The following RAPGEF2 variants were observed in gnomAD, a reference collection of about 807,000 sequenced individuals.
The protein encoded by RAPGEF2 is Rap guanine nucleotide exchange factor 2, also known as PDZ domain containing guanine nucleotide exchange factor (GEF) 1.
A neutral mutation model predicts 186.7 loss-of-function variants in RAPGEF2; 54 were observed. The observed-to-expected ratio is 0.29, with a 90% CI of 0.23 to 0.36. The LOEUF is 0.36. RAPGEF2 is among the 10% of genes least tolerant of loss of function. The pLI, the probability that RAPGEF2 is intolerant of heterozygous loss-of-function variation, is 1.00. For synonymous variants in RAPGEF2, 712 were observed against 705.9 expected (o/e 1.01, Z -0.14); for missense variants, 1,532 against 2,045.0 (o/e 0.75, Z 4.84).
At chr4:159,278,162 T>C (rs1759185745) in intron 7 of RAPGEF2, among the ~76,000 whole-genome samples, 1 of 152,224 alleles carries the variant, frequency 6.6e-6, no homozygotes, top group South Asian at 2.1e-4. Context: ...TTTCTACATA[T>C]GGTTAGCCAG....
Position 159,353,569 on chromosome 4 carries a change from C to G in RAPGEF2, c.4174C>G (p.Gln1392Glu), listed in dbSNP as rs777054708. 1 of 1,572,406 alleles carries G rather than the reference C, an allele frequency of 6.4e-7. No homozygotes were observed. The highest frequency in any genetic ancestry group is 8.6e-7 in the Non-Finnish European group (1 of 1,163,774). Reference protein sequence around the residue: ...ISSPSTEELSQDQGDRASLDA... With the variant: ...ISSPSTEELSEDQGDRASLDA... The stretch of plus-strand genomic sequence containing the variant: ...TTCTCCAAGCACAGAGGAACTTTCC[C>G]AGGATCAGGGGGATCGCGCGTCACT... Residue 1392 changes from glutamine (Q) to glutamate (E), a missense_variant, in exon 28 of 30, where the codon CAG becomes GAG. Around this residue, in one of 4 missense-constraint regions of RAPGEF2, gnomAD observed 594 missense variants for 608.5 expected, o/e 0.98. Transcript: ENST00000691494. This position sits in a 1 kb window ranked among gnomAD's most constrained non-coding sequence, Gnocchi z 4.3.
intron 1 of RAPGEF2, among the ~76,000 whole-genome samples, chr4:159,139,184 A>G (rs1742045027): frequency 6.6e-6 from 1 of 152,194 alleles, no homozygotes; most frequent in African/African-American, 2.4e-5. Context: ...GAGATTGGTA[A>G]GGCATAGTGC....
intron 4 of RAPGEF2, among the ~76,000 whole-genome samples, chr4:159,231,726 A>G (rs769604826): frequency 3.9e-5 from 6 of 152,192 alleles, no homozygotes; most frequent in Non-Finnish European, 8.8e-5. Flanking sequence ...TCATTGGAGC[A>G]TTTTGGATTT....
At chr4:159,127,665 G>A (rs557686666) in intron 1 of RAPGEF2, among the ~76,000 whole-genome samples, 10 of 152,154 alleles carry the variant, frequency 6.6e-5, no homozygotes, top group African/African-American at 1.9e-4. Flanking sequence ...TCTCCATGGC[G>A]TTTTATAATA....
chr4:159,273,622 A>G (rs2110832420), intron 7 of RAPGEF2, among the ~76,000 whole-genome samples: 1 of 150,340 alleles, frequency 6.7e-6, no homozygotes, highest in African/African-American at 2.5e-5. Flanking sequence ...AAGATCAGTA[A>G]TCAGTTTCTT....
intron 1 of RAPGEF2, chr4:159,128,944 G>GTGTATATA (rs764619769): frequency 7.5e-6 from 1 of 132,950 alleles, no homozygotes; most frequent in African/African-American, 2.7e-5. Context: ...GTGTGTGTGT[G>GTGTATATA]TATATATATA....
rs144480110 is a variant in RAPGEF2, at chr4:159,286,001, ACAACTCT to A, written c.544-18340_544-18334del. Among the ~76,000 whole-genome samples, 195 of 151,928 alleles carry A rather than the reference ACAACTCT, an allele frequency of 1.3e-3. 2 individuals are homozygous for A. The East Asian group carries it at 0.036, about 28-fold the overall frequency. On this transcript the variant is annotated intron_variant, in intron 7 of 29. Transcript: ENST00000691494. ...GTCACAGATTTGACATGGCTAAAAT[ACAACTCT>A]TAACACTTAACTGTTCCCCCCAACC... is the stretch of plus-strand genomic sequence containing the variant.
intron 1 of RAPGEF2, among the ~76,000 whole-genome samples, chr4:159,141,594 A>G (rs201595885): frequency 1.3e-5 from 2 of 150,996 alleles, no homozygotes; most frequent in Non-Finnish European, 1.5e-5. Flanking sequence ...ATATATATAT[A>G]TTTATATATA....
intron 9 of RAPGEF2, among the ~76,000 whole-genome samples, chr4:159,316,339 A>G (rs1764603048): frequency 6.6e-6 from 1 of 152,184 alleles, no homozygotes; most frequent in African/African-American, 2.4e-5. Context: ...TAGATCTAGT[A>G]TAACTATTCT....
At chr4:159,168,103 A>G (rs1561036378) in intron 1 of RAPGEF2, among the ~76,000 whole-genome samples, 1 of 152,202 alleles carries the variant, frequency 6.6e-6, no homozygotes, top group Admixed American at 6.5e-5. Flanking sequence ...CAGGTTTAGA[A>G]TTTATGTTGG....
intron 1 of RAPGEF2, among the ~76,000 whole-genome samples, chr4:159,142,516 T>A (rs1009188700): frequency 2.6e-5 from 4 of 151,680 alleles, no homozygotes; most frequent in Admixed American, 2.6e-4. Context: ...CTTCATGGTT[T>A]TTTTTTTTTT....
chr4:159,126,278 A>G (rs1740288031), intron 1 of RAPGEF2, among the ~76,000 whole-genome samples: 1 of 152,122 alleles, frequency 6.6e-6, no homozygotes, highest in Non-Finnish European at 1.5e-5. Context: ...TTTCAGGAAA[A>G]CACCTATCTC....
At chr4:159,141,655 A>G (rs996306885) in intron 1 of RAPGEF2, among the ~76,000 whole-genome samples, 2 of 152,054 alleles carry the variant, frequency 1.3e-5, no homozygotes, top group Admixed American at 1.3e-4. Context: ...AGAAGCCTGT[A>G]CCAGTTTATA....
intron 28 of RAPGEF2, 24 bp from the exon 29 acceptor site, chr4:159,355,829 G>A: frequency 6.6e-7 from 1 of 1,519,590 alleles, no homozygotes; most frequent in Non-Finnish European, 8.9e-7. Context: ...AGTTTTTAAT[G>A]CTGGTGCATT....
intron 7 of RAPGEF2, among the ~76,000 whole-genome samples, chr4:159,304,038 G>A (rs1384295133): frequency 6.6e-6 from 1 of 152,070 alleles, no homozygotes; most frequent in Admixed American, 6.6e-5. Context: ...TTTGCTCATT[G>A]ACGTGTGATT....
chr4:159,222,239 C>T (rs954899215), intron 4 of RAPGEF2, among the ~76,000 whole-genome samples: 2 of 152,150 alleles, frequency 1.3e-5, no homozygotes, highest in Admixed American at 6.5e-5. Context: ...ACTACAACAT[C>T]GCAGATGTGC....
At position 159,353,940 on chromosome 4, in the gene RAPGEF2, T is replaced by C. The variant is rs1288039779; in HGVS notation, c.4545T>C (p.Ile1515=). Residue 1515 remains isoleucine, a synonymous_variant, in exon 28 of 30, where the codon ATT becomes ATC. Transcript: ENST00000691494. This position sits in a 1 kb window ranked among gnomAD's most constrained non-coding sequence, Gnocchi z 4.3. ...GGAGGGGTGGAAAGGATGTTTCCAT[T>C]GAAGCCGAAAGCAGTAGCCTAACGT... The part of the protein sequence containing the change: ...IKRRGGKDVS[I]EAESSSLTSV... 1.2e-6 allele frequency: 2 copies of C among 1,614,096 alleles called. No individual in the cohort carries two copies. Among genetic ancestry groups the C allele is most frequent in the African/African-American group, 1.3e-5 (1 of 75,044 alleles).
At position 159,277,216 on chromosome 4, in the gene RAPGEF2, T is replaced by C. The variant is rs957054845; in HGVS notation, c.544-27126T>C. On this transcript the variant is annotated intron_variant, in intron 7 of 29. Coordinates refer to ENST00000691494, the MANE Select transcript of RAPGEF2 (RefSeq NM_001394067.2). ...GTGATAGTTTGCTGAGAATGATGGT[T>C]TCCAGCTTCATCCATGTCCCTACAA... 2.6e-5 allele frequency among the ~76,000 whole-genome samples: 4 copies of C among 152,128 alleles called. No individual in the cohort carries two copies. In the East Asian group the frequency reaches 7.7e-4, roughly 29 times the overall value.
chr4:159,161,101 G>T (rs1052155704), intron 1 of RAPGEF2, among the ~76,000 whole-genome samples: 4 of 152,054 alleles, frequency 2.6e-5, no homozygotes, highest in African/African-American at 9.7e-5. Context: ...ACATTCCCAT[G>T]TATGATTAAA....
Sources: allele counts gnomAD v4.1 joint callset (sites outside exome capture counted in the v4.1 genomes callset), GRCh38; gene constraint gnomAD v4.1.1; regional missense constraint gnomAD v4.1.1; non-coding constraint Gnocchi (gnomAD v3.1); transcripts MANE v1.5; gene names NCBI Gene and HGNC (gene_info 2026-07-23, HGNC 2026-07-21).